HEPH: variants seen among roughly 807,000 people sequenced by gnomAD.
HEPH encodes hephaestin.
A neutral mutation model predicts 80.8 loss-of-function variants in HEPH; 69 were observed. That is an observed-to-expected ratio of 0.85 (90% confidence interval 0.70 to 1.04). The LOEUF is 1.04. HEPH is among the 50% of genes least tolerant of loss of function. The pLI is 0.00. For missense variants in HEPH, 1,115 were observed against 891.3 expected, an observed-to-expected ratio of 1.25 and a Z score of -3.20; for synonymous variants, 431 against 322.8, an observed-to-expected ratio of 1.34 and a Z score of -3.60.
intron 15 of HEPH, among the ~76,000 whole-genome samples, chrX:66,221,917 C>T (rs1020887951): frequency 1.8e-5 from 2 of 112,007 alleles, no homozygotes; most frequent in African/African-American, 6.5e-5. Flanking sequence ...GTCAAAAGAC[C>T]CATAAGGGGC....
intron 4 of HEPH, among the ~76,000 whole-genome samples, chrX:66,178,868 G>A (rs1386907668): frequency 9.0e-6 from 1 of 111,545 alleles, no homozygotes; most frequent in Non-Finnish European, 1.9e-5. Context: ...TGAGTAGATT[G>A]CAAAAATTTT....
rs929725547 is a variant in HEPH at position 66,266,376 on chromosome X, T to G, written c.3245-64T>G. 1.8e-5 allele frequency: 16 copies of G among 877,196 alleles called. No individual in the cohort carries two copies. The South Asian group carries it at 3.6e-4, about 19-fold the overall frequency. 72.3% of individuals were successfully genotyped at this position (877,196 alleles called of 1,213,427 possible). On this transcript the variant is annotated intron_variant, in intron 20 of 20. Coordinates refer to ENST00000343002, the MANE Select transcript of HEPH (RefSeq NM_001367233.3). ...ACTTGTTTTTTTCAGGTGATGACTATAGATAGTTACCTTTTAGAGTACTCC... is the reference window on the plus strand; with the variant it reads ...ACTTGTTTTTTTCAGGTGATGACTAGAGATAGTTACCTTTTAGAGTACTCC...
At position 66,199,035 on chromosome X, in the gene HEPH, G is replaced by A. The variant is rs1438286236; in HGVS notation, c.1864+7G>A. On this transcript the variant is annotated splice_region_variant and intron_variant, in intron 11 of 20. Coordinates refer to ENST00000343002, the MANE Select transcript of HEPH (RefSeq NM_001367233.3). ...GACTCCAATCGGATGCATGGTATGG[G>A]GAGTACTTTTGCCCTGGGCTAAATT... 8.3e-7 allele frequency: 1 copy of A among 1,202,539 alleles called. No homozygotes were observed. The highest frequency in any genetic ancestry group is 1.1e-6 in the Non-Finnish European group (1 of 890,042).
chrX:66,242,712 T>A (rs752831597), intron 15 of HEPH, among the ~76,000 whole-genome samples: 1 of 111,792 alleles, frequency 8.9e-6, no homozygotes, highest in South Asian at 3.7e-4. Context: ...AACAGATACT[T>A]CTTGAAGACA....
At chrX:66,212,424 G>A (rs2089181268) in intron 15 of HEPH, among the ~76,000 whole-genome samples, 1 of 110,989 alleles carries the variant, frequency 9.0e-6, no homozygotes, top group African/African-American at 3.3e-5. Flanking sequence ...CAATGTTCAG[G>A]AGAGTTTCCC....
intron 15 of HEPH, among the ~76,000 whole-genome samples, chrX:66,235,210 A>G (rs1018633638): frequency 9.0e-6 from 1 of 111,660 alleles, no homozygotes; most frequent in Non-Finnish European, 1.9e-5. Flanking sequence ...ACTAGATGCC[A>G]TTTGTCAATT....
chrX:66,203,669 A>AG (rs1454686058), intron 13 of HEPH, 92 bp downstream of exon 13: 5 of 763,674 alleles, frequency 6.5e-6, no homozygotes, highest in Admixed American at 3.0e-5. Flanking sequence ...CTCTTATCTC[A>AG]GGTCTCCTAA....
At chrX:66,236,078 T>C (rs2090349734) in intron 15 of HEPH, among the ~76,000 whole-genome samples, 1 of 111,795 alleles carries the variant, frequency 8.9e-6, no homozygotes, top group Non-Finnish European at 1.9e-5. Context: ...CTTCCTCTCT[T>C]CCTATTCATA....
At chrX:66,260,062 C>G (rs200914728) in intron 18 of HEPH, 38 bp from the exon 19 acceptor site, 2 of 1,170,666 alleles carry the variant, frequency 1.7e-6, no homozygotes, top group Non-Finnish European at 2.3e-6. Flanking sequence ...TTTTTATACC[C>G]TTCACTTCCT....
chrX:66,257,056 A>T (rs1294281230), intron 17 of HEPH, among the ~76,000 whole-genome samples: 1 of 112,281 alleles, frequency 8.9e-6, no homozygotes, highest in Non-Finnish European at 1.9e-5. Flanking sequence ...GAGAATGAGG[A>T]GCATCTTTGA....
intron 1 of HEPH, among the ~76,000 whole-genome samples, chrX:66,165,219 AT>A (rs2086302561): frequency 8.9e-6 from 1 of 112,269 alleles, no homozygotes; most frequent in Non-Finnish European, 1.9e-5. Context: ...TGTGAAAAAA[AT>A]ATCATCCCAT....
chrX:66,255,582 C>A (rs1418557985), intron 16 of HEPH, among the ~76,000 whole-genome samples: 1 of 111,628 alleles, frequency 9.0e-6, no homozygotes, highest in Non-Finnish European at 1.9e-5. Flanking sequence ...TACAGCCAGC[C>A]ATTAGTAATC....
rs1264320583 is a variant in HEPH at position 66,267,199 on chromosome X, T to C, written c.*527T>C. 1 of 115,074 alleles carries C rather than the reference T, an allele frequency of 8.7e-6. No homozygotes were observed. Among genetic ancestry groups the C allele is most frequent in the Non-Finnish European group, 1.8e-5 (1 of 54,910 alleles). The allele number at this position is 115,074 out of a possible 1,213,427, so 9.5% of individuals were successfully genotyped here. On this transcript the variant is annotated 3_prime_UTR_variant, in exon 21 of 21. Coordinates refer to ENST00000343002, the MANE Select transcript of HEPH (RefSeq NM_001367233.3). Reference sequence around the variant, plus strand: ...ATTGAATTTTGATTCTCCTTGGCAGTGAACTACTTTGAAGAAGTGGTCAAT... The same window carrying C: ...ATTGAATTTTGATTCTCCTTGGCAGCGAACTACTTTGAAGAAGTGGTCAAT...
chrX:66,265,624 A>G (rs1033289500), intron 20 of HEPH, among the ~76,000 whole-genome samples: 3 of 111,502 alleles, frequency 2.7e-5, no homozygotes, highest in Non-Finnish European at 5.6e-5. Context: ...GTCTAATGAA[A>G]TCAAAGAAAA....
rs375549641 is a variant in HEPH, at chrX:66,242,151, G to T, written c.2564-12884G>T. On this transcript the variant is annotated intron_variant, in intron 15 of 20. Transcript: ENST00000343002. Reference sequence around the variant, plus strand: ...AGGCTATATTAACCAAAACAGTGGGGTATTGGTACAAAAGCAGACACATAG... The same window carrying T: ...AGGCTATATTAACCAAAACAGTGGGTTATTGGTACAAAAGCAGACACATAG... Among the ~76,000 whole-genome samples the T allele has an allele frequency of 6.3e-5, 7 of 110,557 alleles. No individual in the cohort carries two copies. In the East Asian group the frequency reaches 1.7e-3, roughly 27 times the overall value.
intron 15 of HEPH, among the ~76,000 whole-genome samples, chrX:66,211,303 G>C (rs2089102628): frequency 1.8e-5 from 2 of 111,636 alleles, no homozygotes; most frequent in Non-Finnish European, 3.8e-5. Flanking sequence ...AGGAGTATAT[G>C]AGAAATTTTG....
chrX:66,225,635 A>G (rs2089850060), intron 15 of HEPH, among the ~76,000 whole-genome samples: 1 of 112,299 alleles, frequency 8.9e-6, no homozygotes, highest in Admixed American at 9.4e-5. Flanking sequence ...CACTGCATTG[A>G]TCCTCCACAG....
chrX:66,177,760 T>A (rs1272708264), intron 4 of HEPH, among the ~76,000 whole-genome samples: 2 of 111,183 alleles, frequency 1.8e-5, no homozygotes, highest in East Asian at 2.8e-4. Flanking sequence ...ATCTCTAGGG[T>A]TTGGGTTTGG....
chrX:66,210,968 A>G (rs915739609), intron 15 of HEPH, among the ~76,000 whole-genome samples: 2 of 111,417 alleles, frequency 1.8e-5, no homozygotes, highest in African/African-American at 6.5e-5. Context: ...AGATGCCATA[A>G]AACATCGAGG....
Sources: gnomAD v4.1 joint callset for allele counts (sites outside exome capture counted in the v4.1 genomes callset) on GRCh38, gnomAD v4.1.1 for gene constraint, MANE v1.5 for transcripts, NCBI Gene and HGNC (gene_info 2026-07-23, HGNC 2026-07-21) for gene names.